GALNT13: variants seen among roughly 807,000 people sequenced by gnomAD.
GALNT13 encodes the protein UDP-GalNAc:polypeptide N-acetylgalactosaminyltransferase 13.
In GALNT13, 28 loss-of-function variants were observed where a neutral mutation model predicts 64.2. That is an observed-to-expected ratio of 0.44 (90% CI 0.32 to 0.60). The LOEUF is 0.60. Among genes scored for constraint, GALNT13 ranks in the 20% least tolerant of loss-of-function variants. GALNT13 has a pLI of 0.05. For synonymous variants in GALNT13, 214 were observed against 224.6 expected, an observed-to-expected ratio of 0.95 and a Z score of 0.42; for missense variants, 577 against 669.8, an observed-to-expected ratio of 0.86 and a Z score of 1.53.
At chr2:154,012,308 T>A (rs965685076) in intron 3 of GALNT13, among the ~76,000 whole-genome samples, 1 of 150,752 alleles carries the variant, frequency 6.6e-6, no homozygotes, top group African/African-American at 2.4e-5. Flanking sequence ...AAGAATTTTA[T>A]TTCTCCTTCA....
chr2:153,172,312 G>A, the GALNT13 span, among the ~76,000 whole-genome samples: 1 of 152,156 alleles, frequency 6.6e-6, no homozygotes, highest in African/African-American at 2.4e-5. Context: ...TTCATACAGT[G>A]GAGATAGAAA....
intron 3 of GALNT13, among the ~76,000 whole-genome samples, chr2:154,017,498 T>C (rs570067397): frequency 6.6e-6 from 1 of 152,264 alleles, no homozygotes; most frequent in South Asian, 2.1e-4. Flanking sequence ...CTTTAGTACT[T>C]ACTTAAAATT....
At chr2:153,610,689 T>G in the GALNT13 span, among the ~76,000 whole-genome samples, 1 of 151,758 alleles carries the variant, frequency 6.6e-6, no homozygotes, top group South Asian at 2.1e-4. Context: ...AAAATAAAAA[T>G]AAACAGATTG....
At chr2:153,964,492 C>CTCT (rs1344404276) in intron 3 of GALNT13, among the ~76,000 whole-genome samples, 3 of 152,004 alleles carry the variant, frequency 2.0e-5, no homozygotes, top group Non-Finnish European at 4.4e-5. Context: ...TCTCAGTACT[C>CTCT]TCTTGTACAT....
intron 9 of GALNT13, among the ~76,000 whole-genome samples, chr2:154,352,451 C>A (rs1696465609): frequency 6.6e-6 from 1 of 152,158 alleles, no homozygotes; most frequent in Non-Finnish European, 1.5e-5. Flanking sequence ...TATTGTTAGG[C>A]ACAGTTCTAG....
At chr2:153,157,327 T>G in the GALNT13 span, among the ~76,000 whole-genome samples, 1 of 152,224 alleles carries the variant, frequency 6.6e-6, no homozygotes, top group Admixed American at 6.5e-5. Flanking sequence ...ATGTGGCTCA[T>G]AACATTTTTG....
chr2:153,672,722 G>A, the GALNT13 span, among the ~76,000 whole-genome samples: 6 of 148,998 alleles, frequency 4.0e-5, no homozygotes, highest in East Asian at 2.0e-4. Flanking sequence ...CTGAAGTGGT[G>A]GATAGAGACA....
At chr2:153,647,853 G>T in the GALNT13 span, among the ~76,000 whole-genome samples, 5 of 152,190 alleles carry the variant, frequency 3.3e-5, no homozygotes, top group African/African-American at 1.2e-4. Flanking sequence ...GTACCATGCT[G>T]TTTTGGTTAC....
At chr2:153,562,125 G>A in the GALNT13 span, among the ~76,000 whole-genome samples, 6 of 148,980 alleles carry the variant, frequency 4.0e-5, no homozygotes, top group South Asian at 2.1e-4. Flanking sequence ...ATGTGGGTGC[G>A]TCTGTGGGGA....
intron 3 of GALNT13, among the ~76,000 whole-genome samples, chr2:154,028,050 A>G (rs2105298583): frequency 6.6e-6 from 1 of 152,212 alleles, no homozygotes; most frequent in South Asian, 2.1e-4. Context: ...TAGAGCTGCG[A>G]CTGTAGAGCA....
chr2:153,289,274 C>A, the GALNT13 span, among the ~76,000 whole-genome samples: 11 of 152,320 alleles, frequency 7.2e-5, no homozygotes, highest in African/African-American at 2.6e-4. Context: ...CCAATGACCT[C>A]ATTTCTTCAT....
the GALNT13 span, among the ~76,000 whole-genome samples, chr2:153,792,777 C>T: frequency 6.6e-6 from 1 of 152,026 alleles, no homozygotes; most frequent in East Asian, 1.9e-4. Context: ...AGAGAAATTC[C>T]TAGAAGAGAA....
chr2:153,288,765 T>C, the GALNT13 span, among the ~76,000 whole-genome samples: 1 of 152,238 alleles, frequency 6.6e-6, no homozygotes, highest in African/African-American at 2.4e-5. Context: ...TAGGTATGCA[T>C]GTATAGAAAA....
intron 8 of GALNT13, among the ~76,000 whole-genome samples, chr2:154,260,468 C>T (rs1690636726): frequency 6.6e-6 from 1 of 152,116 alleles, no homozygotes; most frequent in Admixed American, 6.6e-5. Context: ...AGTTATATTA[C>T]TATTTTGCCT....
the GALNT13 span, among the ~76,000 whole-genome samples, chr2:153,709,409 C>T: frequency 6.6e-6 from 1 of 151,992 alleles, no homozygotes; most frequent in East Asian, 1.9e-4. Context: ...CATCACTAAT[C>T]ATTAGGGAAA....
chr2:153,601,408 A>G, the GALNT13 span, among the ~76,000 whole-genome samples: 1 of 151,868 alleles, frequency 6.6e-6, no homozygotes, highest in Non-Finnish European at 1.5e-5. Flanking sequence ...GAACTTGTAA[A>G]TGATGCCAAT....
At chr2:153,112,832 T>C in the GALNT13 span, among the ~76,000 whole-genome samples, 9 of 152,096 alleles carry the variant, frequency 5.9e-5, no homozygotes, top group African/African-American at 1.9e-4. Context: ...TTCTTTGTTA[T>C]ATGTTTGTGA....
intron 8 of GALNT13, among the ~76,000 whole-genome samples, chr2:154,295,348 T>TTTTATTTATTTGTTTA (rs1692857766): frequency 1.4e-5 from 2 of 142,222 alleles, no homozygotes; most frequent in Non-Finnish European, 3.0e-5. Flanking sequence ...ATTCTTTTTA[T>TTTTATTTATTTGTTTA]TTTATTTATT....
the GALNT13 span, among the ~76,000 whole-genome samples, chr2:153,308,139 C>G: frequency 6.6e-6 from 1 of 152,110 alleles, no homozygotes; most frequent in South Asian, 2.1e-4. Context: ...ACAGTAATAC[C>G]TCTTTATAAC....
Sources: gnomAD v4.1 joint callset for allele counts (sites outside exome capture counted in the v4.1 genomes callset) on GRCh38, gnomAD v4.1.1 for gene constraint, MANE v1.5 for transcripts, NCBI Gene and HGNC (gene_info 2026-07-23, HGNC 2026-07-21) for gene names.